Variants in ANKRD17 observed in about 807,000 individuals in gnomAD.
ANKRD17 encodes ankyrin repeat domain-containing protein 17.
ANKRD17 carries 19 observed loss-of-function variants against 229.7 expected under a neutral mutation model. That is an observed-to-expected ratio of 0.08 (90% confidence interval 0.06 to 0.12). The LOEUF (loss-of-function observed/expected upper bound fraction) is 0.12. ANKRD17 is among the 10% of genes least tolerant of loss of function. ANKRD17 has a pLI of 1.00. For missense variants in ANKRD17, 2,176 were observed against 3,176.8 expected, an observed-to-expected ratio of 0.68 and a Z score of 7.57; for synonymous variants, 1,112 against 1,146.1, an observed-to-expected ratio of 0.97 and a Z score of 0.60.
intron 27 of ANKRD17, among the ~76,000 whole-genome samples, chr4:73,096,464 T>A (rs1413333704): frequency 6.6e-5 from 10 of 152,196 alleles, no homozygotes; most frequent in South Asian, 2.1e-4. Flanking sequence ...GCCAAAAACC[T>A]GTATACTGCA....
rs775971335 is a variant in ANKRD17, at chr4:73,098,060, A to C, written c.5021+13T>G. 6.4e-7 allele frequency: 1 copy of C among 1,569,858 alleles called. No homozygotes were observed. The highest frequency in any genetic ancestry group is 8.6e-7 in the Non-Finnish European group (1 of 1,156,304). ...TGACACTATAAATATTGAAAATAAAAATTGGAACTAACTTTATTGAAGCCT... is the reference window on the plus strand; with the variant it reads ...TGACACTATAAATATTGAAAATAAACATTGGAACTAACTTTATTGAAGCCT... On this transcript the variant is annotated intron_variant, in intron 26 of 33. Transcript: ENST00000358602.
chr4:73,147,774 T>C (rs1227430004), intron 8 of ANKRD17, among the ~76,000 whole-genome samples: 2 of 152,086 alleles, frequency 1.3e-5, no homozygotes, highest in African/African-American at 4.8e-5. Flanking sequence ...ATGATGATGA[T>C]AATAAAAATC....
intron 26 of ANKRD17, 134 bp downstream of exon 26, chr4:73,097,939 G>T: frequency 2.9e-6 from 2 of 683,410 alleles, no homozygotes; most frequent in Admixed American, 3.4e-5. Context: ...CAATTCAATT[G>T]AAACAGTACC....
intron 24 of ANKRD17, among the ~76,000 whole-genome samples, chr4:73,111,837 A>T (rs188790153): frequency 3.3e-5 from 5 of 152,330 alleles, no homozygotes; most frequent in Middle Eastern, 3.4e-3. Context: ...TCATTCAACA[A>T]ATATTTATTG....
chr4:73,176,994 T>A (rs748007178), intron 2 of ANKRD17, among the ~76,000 whole-genome samples: 16 of 152,242 alleles, frequency 1.1e-4, no homozygotes, highest in Non-Finnish European at 5.9e-5. Context: ...TTGTTCGACT[T>A]CTACTGGGAG....
intron 30 of ANKRD17, chr4:73,080,602 T>C (rs1259454076): frequency 6.6e-6 from 1 of 152,134 alleles, no homozygotes; most frequent in Non-Finnish European, 1.5e-5. Flanking sequence ...CCTAAACCTC[T>C]AGGAAAAATC....
intron 1 of ANKRD17, among the ~76,000 whole-genome samples, chr4:73,255,090 CT>C (rs1231821117): frequency 6.6e-6 from 1 of 152,106 alleles, no homozygotes; most frequent in Non-Finnish European, 1.5e-5. Flanking sequence ...AGCTCTTGGT[CT>C]TATTTGTTTC....
At chr4:73,163,419 T>C (rs1445020199) in intron 2 of ANKRD17, among the ~76,000 whole-genome samples, 1 of 152,218 alleles carries the variant, frequency 6.6e-6, no homozygotes, top group Non-Finnish European at 1.5e-5. Flanking sequence ...CCCTACGATG[T>C]ACTGATCCAA....
At chr4:73,077,280 C>A in intron 32 of ANKRD17, 75 bp downstream of exon 32, 1 of 1,423,062 alleles carries the variant, frequency 7.0e-7, no homozygotes, top group Non-Finnish European at 9.5e-7. Flanking sequence ...TTAGATTATA[C>A]ATATGCCTAC....
chr4:73,131,491 C>T (rs1728191299), intron 16 of ANKRD17, among the ~76,000 whole-genome samples: 1 of 152,118 alleles, frequency 6.6e-6, no homozygotes, highest in Non-Finnish European at 1.5e-5. Context: ...GTTAAGTATG[C>T]AAAGATGAAA....
intron 23 of ANKRD17, among the ~76,000 whole-genome samples, chr4:73,115,491 T>C (rs964285429): frequency 6.6e-6 from 1 of 152,112 alleles, no homozygotes; most frequent in African/African-American, 2.4e-5. Flanking sequence ...GGTCTCCCCA[T>C]GTTGCCCAAG....
intron 1 of ANKRD17, among the ~76,000 whole-genome samples, chr4:73,235,940 G>A (rs1743466114): frequency 6.6e-6 from 1 of 151,960 alleles, no homozygotes; most frequent in Non-Finnish European, 1.5e-5. Context: ...CTGAGCTCAT[G>A]CAATCCTCTT....
chr4:73,206,160 T>C (rs552408908), intron 1 of ANKRD17, among the ~76,000 whole-genome samples: 5 of 152,280 alleles, frequency 3.3e-5, no homozygotes, highest in African/African-American at 1.2e-4. Context: ...ATAGCCATTA[T>C]GGAAAACAGT....
chr4:73,244,103 G>A (rs949744808), intron 1 of ANKRD17, among the ~76,000 whole-genome samples: 3 of 151,982 alleles, frequency 2.0e-5, no homozygotes, highest in African/African-American at 4.8e-5. Context: ...TGTATCTCCG[G>A]TGTCCTGTGT....
At chr4:73,225,777 G>C (rs1330994096) in intron 1 of ANKRD17, among the ~76,000 whole-genome samples, 2 of 136,970 alleles carry the variant, frequency 1.5e-5, no homozygotes, top group Non-Finnish European at 3.1e-5. Flanking sequence ...CAGGAGAATC[G>C]CTTGAACCCG....
chr4:73,101,976 G>C (rs1047735812), intron 25 of ANKRD17, among the ~76,000 whole-genome samples: 1 of 151,806 alleles, frequency 6.6e-6, no homozygotes, highest in Non-Finnish European at 1.5e-5. Context: ...TGTCACCCAG[G>C]CTGGAGTGCA....
intron 1 of ANKRD17, among the ~76,000 whole-genome samples, chr4:73,220,112 T>G (rs1469179444): frequency 1.3e-5 from 2 of 152,148 alleles, no homozygotes; most frequent in African/African-American, 2.4e-5. Context: ...ATTTTTCCTC[T>G]TATTGATCAT....
rs187028730 is a variant in ANKRD17 at position 73,126,892 on chromosome 4, C to T, written c.3235-1580G>A. 3.3e-3 allele frequency among the ~76,000 whole-genome samples: 508 copies of T among 152,186 alleles called. 1 individual carries two copies. The highest frequency in any genetic ancestry group is 0.01 in the Admixed American group (157 of 15,288). On this transcript the variant is annotated intron_variant, in intron 16 of 33. Coordinates refer to ENST00000358602, the MANE Select transcript of ANKRD17 (RefSeq NM_032217.5). Reference sequence around the variant, plus strand: ...GGTTTACAGGCGTCTGCCACCACGCCCAGCTAGATACCTTTTAGTACTCTA... The same window carrying T: ...GGTTTACAGGCGTCTGCCACCACGCTCAGCTAGATACCTTTTAGTACTCTA...
chr4:73,140,281 C>A lies in ANKRD17; in HGVS notation c.2335G>T (p.Ala779Ser). ...TGGCTGCTGGACTTTTGTTTAGAAG[C>A]AGCTGTGTGAAAAAGAAACCCCCTC... is the stretch of plus-strand genomic sequence containing the variant. ...ATTLPIRNKAASKQKSSSHLP... is the reference protein window; with the variant it reads ...ATTLPIRNKASSKQKSSSHLP... Residue 779 changes from alanine to serine, a missense_variant and splice_region_variant, in exon 15 of 34, where the codon GCT becomes TCT. This residue lies in a region of ANKRD17 where 275 missense variants were observed against 386.9 expected (regional missense o/e 0.71). Transcript: ENST00000358602. The A allele has an allele frequency of 6.3e-7, 1 of 1,582,262 alleles. No homozygotes were observed. The highest frequency in any genetic ancestry group is 1.2e-5 in the South Asian group (1 of 85,090).
Sources: gnomAD v4.1 joint callset for allele counts (sites outside exome capture counted in the v4.1 genomes callset) on GRCh38, gnomAD v4.1.1 for gene constraint, gnomAD v4.1.1 regional missense constraint, MANE v1.5 for transcripts, NCBI Gene and HGNC (gene_info 2026-07-23, HGNC 2026-07-21) for gene names.